Variants in ZNF804A observed in about 807,000 individuals in gnomAD.
ZNF804A encodes the protein zinc finger protein 804A.
Under a neutral mutation model 16.5 loss-of-function variants are expected in ZNF804A, and 2 were observed. The observed-to-expected ratio is 0.12, with a 90% CI of 0.05 to 0.38. The LOEUF is 0.38. Among genes scored for constraint, ZNF804A ranks in the 10% least tolerant of loss-of-function variants. ZNF804A has a pLI of 0.99. For synonymous variants in ZNF804A, 534 were observed against 489.6 expected, an observed-to-expected ratio of 1.09 and a Z score of -1.20; for missense variants, 1,473 against 1,390.7, an observed-to-expected ratio of 1.06 and a Z score of -0.94.
In ZNF804A at chr2:184,938,649, C is replaced by T. The variant is rs376098454; in HGVS notation, c.3253C>T (p.Pro1085Ser). ...PPPSTPLQPL[P>S]LQQSLCSTSV... ...CCCTAGCACACCTCTGCAGCCTTTGCCTTTGCAGCAGTCCTTATGTTCTAC... is the reference window on the plus strand; with the variant it reads ...CCCTAGCACACCTCTGCAGCCTTTGTCTTTGCAGCAGTCCTTATGTTCTAC... The change falls in exon 4 of 4, where the codon CCT becomes TCT. Residue 1085 changes from proline (P) to serine (S), a missense_variant. Physicochemically the swap from Pro to Ser is moderately conservative, Grantham distance 74 (BLOSUM62 -1). Coordinates refer to ENST00000302277, the MANE Select transcript of ZNF804A (RefSeq NM_194250.2). 1.2e-5 allele frequency: 19 copies of T among 1,613,902 alleles called. No homozygotes were observed. The highest frequency in any genetic ancestry group is 3.3e-4 in the Middle Eastern group (2 of 6,080).
intron 1 of ZNF804A, among the ~76,000 whole-genome samples, chr2:184,730,680 T>C (rs2105747223): frequency 6.6e-6 from 1 of 152,278 alleles, no homozygotes; most frequent in South Asian, 2.1e-4. Flanking sequence ...TTATGTTTCC[T>C]CCATATCTTC....
At chr2:184,616,456 A>G (rs1691321042) in intron 1 of ZNF804A, among the ~76,000 whole-genome samples, 3 of 152,208 alleles carry the variant, frequency 2.0e-5, no homozygotes. Context: ...TAAATAATAT[A>G]AGGGAAGTGT....
intron 2 of ZNF804A, among the ~76,000 whole-genome samples, chr2:184,883,185 T>C (rs1040803067): frequency 3.3e-5 from 5 of 151,992 alleles, no homozygotes; most frequent in Non-Finnish European, 5.9e-5. Flanking sequence ...AAGAAATGGA[T>C]AAATGCCTAA....
chr2:184,874,427 T>G (rs1696021440), intron 2 of ZNF804A, among the ~76,000 whole-genome samples: 1 of 152,016 alleles, frequency 6.6e-6, no homozygotes, highest in South Asian at 2.1e-4. Flanking sequence ...ATAAAGCAAA[T>G]ATTATGATAT....
At position 184,935,874 on chromosome 2, in the gene ZNF804A, G is replaced by C; in HGVS notation, c.478G>C (p.Val160Leu). ...TTCCCAACGAGTTGTTGTGGATTCA[G>C]TTAATAACCAGCAAGATTTCAAATA... ...EISQRVVVDS[V>L]NNQQDFKYTL... Residue 160 changes from valine to leucine, a missense_variant, in exon 4 of 4, where the codon GTT becomes CTT. Coordinates refer to ENST00000302277, the MANE Select transcript of ZNF804A (RefSeq NM_194250.2). 4 of 1,613,874 alleles carry C rather than the reference G, an allele frequency of 2.5e-6. No homozygotes were observed. Among genetic ancestry groups the C allele is most frequent in the Non-Finnish European group, 3.4e-6 (4 of 1,179,896 alleles).
At chr2:184,794,523 G>T (rs1332115750) in intron 1 of ZNF804A, among the ~76,000 whole-genome samples, 1 of 151,974 alleles carries the variant, frequency 6.6e-6, no homozygotes, top group Non-Finnish European at 1.5e-5. Flanking sequence ...TCTGTGAGTT[G>T]TCTGTTTACT....
intron 1 of ZNF804A, among the ~76,000 whole-genome samples, chr2:184,707,534 T>A (rs117523122): frequency 1.3e-5 from 2 of 152,226 alleles, no homozygotes; most frequent in East Asian, 3.9e-4. Context: ...AGTGAGAACA[T>A]GTAGTATTTG....
At chr2:184,696,822 A>G (rs1242146413) in intron 1 of ZNF804A, among the ~76,000 whole-genome samples, 1 of 152,066 alleles carries the variant, frequency 6.6e-6, no homozygotes, top group Non-Finnish European at 1.5e-5. Flanking sequence ...CAAATGGGTT[A>G]TATAAATTAA....
At chr2:184,836,364 T>A (rs1250600646) in intron 1 of ZNF804A, among the ~76,000 whole-genome samples, 2 of 152,080 alleles carry the variant, frequency 1.3e-5, no homozygotes, top group Non-Finnish European at 1.5e-5. Flanking sequence ...GAGTTGTTTG[T>A]GCACACACCA....
chr2:184,695,207 A>T (rs952587450), intron 1 of ZNF804A, among the ~76,000 whole-genome samples: 1 of 152,162 alleles, frequency 6.6e-6, no homozygotes, highest in African/African-American at 2.4e-5. Flanking sequence ...CACGCCTGTA[A>T]TCCCAGAACT....
At chr2:184,782,760 AGTAAG>A (rs2105774541) in intron 1 of ZNF804A, among the ~76,000 whole-genome samples, 1 of 146,458 alleles carries the variant, frequency 6.8e-6, no homozygotes, top group Admixed American at 6.9e-5. Context: ...ACAGTTTTCC[AGTAAG>A]GATTTTTTTT....
At chr2:184,855,277 A>G (rs1290397259) in intron 1 of ZNF804A, among the ~76,000 whole-genome samples, 2 of 152,068 alleles carry the variant, frequency 1.3e-5, no homozygotes, top group Non-Finnish European at 2.9e-5. Flanking sequence ...CGGGGAGTGA[A>G]TATCCTACCA....
intron 2 of ZNF804A, among the ~76,000 whole-genome samples, chr2:184,929,011 A>C (rs574560698): frequency 6.6e-6 from 1 of 152,280 alleles, no homozygotes; most frequent in African/African-American, 2.4e-5. Context: ...GTGAACACTC[A>C]CTTCATTTTT....
chr2:184,860,509 C>T (rs1695783395), intron 1 of ZNF804A, among the ~76,000 whole-genome samples: 1 of 152,076 alleles, frequency 6.6e-6, no homozygotes, highest in Admixed American at 6.5e-5. Flanking sequence ...CTGCAGGGGC[C>T]AGTGTGGCAT....
At chr2:184,842,336 T>G (rs757973749) in intron 1 of ZNF804A, among the ~76,000 whole-genome samples, 7 of 152,164 alleles carry the variant, frequency 4.6e-5, no homozygotes, top group Non-Finnish European at 1.0e-4. Flanking sequence ...TTATGGAAGC[T>G]ATGGTTGCAT....
chr2:184,649,684 T>C lies in ZNF804A; in HGVS notation c.111+50614T>C, dbSNP rs548601303. Among the ~76,000 whole-genome samples the C allele has an allele frequency of 1.6e-4, 25 of 152,026 alleles. 2 individuals are homozygous for C. The South Asian group carries it at 3.9e-3, about 24-fold the overall frequency. ...TAGAAGACAGAGGAAATGGATAAAT[T>C]CTTCTAGAATTTCCTCTGGAAGAAC... On this transcript the variant is annotated intron_variant, in intron 1 of 3. Transcript: ENST00000302277.
At chr2:184,886,859 C>T (rs1193564277) in intron 2 of ZNF804A, among the ~76,000 whole-genome samples, 1 of 152,196 alleles carries the variant, frequency 6.6e-6, no homozygotes, top group Non-Finnish European at 1.5e-5. Context: ...GGCCTCCAGG[C>T]CTGTGATGAG....
chr2:184,667,634 C>T (rs1462662012), intron 1 of ZNF804A, among the ~76,000 whole-genome samples: 3 of 151,682 alleles, frequency 2.0e-5, no homozygotes, highest in Admixed American at 6.6e-5. Context: ...TTAGAAAATG[C>T]CATTAAAGAG....
At chr2:184,829,929 CAA>C (rs1225922566) in intron 1 of ZNF804A, among the ~76,000 whole-genome samples, 1 of 72,614 alleles carries the variant, frequency 1.4e-5, no homozygotes, top group Non-Finnish European at 2.4e-5. Context: ...AAAACAAAAA[CAA>C]AAAAAAAAAA....
Sources: allele counts gnomAD v4.1 joint callset (sites outside exome capture counted in the v4.1 genomes callset), GRCh38; gene constraint gnomAD v4.1.1; transcripts MANE v1.5; gene names NCBI Gene and HGNC (gene_info 2026-07-23, HGNC 2026-07-21).